Variants in ARID1B observed in about 807,000 individuals in gnomAD.
The protein encoded by ARID1B is AT-rich interaction domain 1B, also known as AT-rich interactive domain-containing protein 1B.
Under a neutral mutation model 212.3 loss-of-function variants are expected in ARID1B, and 30 were observed. The ratio of observed to expected loss-of-function variants is 0.14; its 90% CI spans 0.11 to 0.19. The LOEUF (loss-of-function observed/expected upper bound fraction) is 0.19. Among genes scored for constraint, ARID1B ranks in the 10% least tolerant of loss-of-function variants. The pLI, the probability that ARID1B is intolerant of heterozygous loss-of-function variation, is 1.00. For synonymous variants in ARID1B, 1,402 were observed against 1,301.7 expected, an observed-to-expected ratio of 1.08 and a Z score of -1.66; for missense variants, 2,891 against 3,204.0, an observed-to-expected ratio of 0.90 and a Z score of 2.36.
At chr6:157,091,557 T>C (rs1785285651) in intron 5 of ARID1B, among the ~76,000 whole-genome samples, 1 of 152,186 alleles carries the variant, frequency 6.6e-6, no homozygotes, top group East Asian at 1.9e-4. Flanking sequence ...TAGGAGTTAG[T>C]CATAGTCCAG....
chr6:156,921,438 AACACACAC>A (rs10560265), intron 3 of ARID1B, among the ~76,000 whole-genome samples: 21,214 of 135,446 alleles, frequency 0.16, 1,985 homozygotes, highest in African/African-American at 0.23. Context: ...TTGATGGGAA[AACACACAC>A]ACACACACAC....
At chr6:157,030,183 G>GGGCTCTTGGCTTGACT (rs1562562525) in intron 4 of ARID1B, 1 of 152,702 alleles carries the variant, frequency 6.5e-6, no homozygotes, top group Non-Finnish European at 1.5e-5. Context: ...TCTGCTTCTC[G>GGGCTCTTGGCTTGACT]GGCTCTTGGC....
chr6:156,947,618 A>T (rs1793252210), intron 4 of ARID1B, among the ~76,000 whole-genome samples: 1 of 149,422 alleles, frequency 6.7e-6, no homozygotes, highest in Non-Finnish European at 1.5e-5. Flanking sequence ...ATTACTCTGA[A>T]CTCTGAAGGG....
intron 4 of ARID1B, among the ~76,000 whole-genome samples, chr6:157,069,292 C>A (rs1414127385): frequency 6.6e-6 from 1 of 152,068 alleles, no homozygotes; most frequent in Non-Finnish European, 1.5e-5. Flanking sequence ...GTATGGGAAC[C>A]TTGCATTTAC....
intron 12 of ARID1B, among the ~76,000 whole-genome samples, chr6:157,183,490 G>T (rs2128322761): frequency 6.6e-6 from 1 of 152,346 alleles, no homozygotes; most frequent in African/African-American, 2.4e-5. Flanking sequence ...TTTCATCCAT[G>T]TGTTTAACCG....
At chr6:157,055,206 T>C (rs2128389309) in intron 4 of ARID1B, among the ~76,000 whole-genome samples, 1 of 152,354 alleles carries the variant, frequency 6.6e-6, no homozygotes, top group South Asian at 2.1e-4. Context: ...TCTTTCCTTC[T>C]ACTTCAAGCC....
chr6:157,031,060 GT>G (rs113662756), intron 4 of ARID1B, among the ~76,000 whole-genome samples: 31 of 146,208 alleles, frequency 2.1e-4, no homozygotes, highest in Admixed American at 5.5e-4. Flanking sequence ...CTTATGGTTG[GT>G]TTTTTTTTTT....
chr6:156,986,585 T>C (rs1045898713), intron 4 of ARID1B, among the ~76,000 whole-genome samples: 5 of 152,202 alleles, frequency 3.3e-5, no homozygotes, highest in East Asian at 1.9e-4. Flanking sequence ...ACAGAACTTA[T>C]GTCTTCGGTG....
chr6:157,186,257 C>G, intron 13 of ARID1B: 1 of 344,552 alleles, frequency 2.9e-6, no homozygotes, highest in Non-Finnish European at 5.8e-6. Flanking sequence ...GTTCCCTTTT[C>G]CCCTTTTTTA....
At chr6:157,119,351 G>A (rs947064490) in intron 6 of ARID1B, among the ~76,000 whole-genome samples, 2 of 152,170 alleles carry the variant, frequency 1.3e-5, no homozygotes, top group African/African-American at 2.4e-5. Context: ...TCACTTGCCT[G>A]TGCCTTGGAT....
intron 3 of ARID1B, among the ~76,000 whole-genome samples, chr6:156,924,160 G>T (rs931208474): frequency 6.6e-6 from 1 of 152,202 alleles, no homozygotes; most frequent in African/African-American, 2.4e-5. Flanking sequence ...CCCTTATACA[G>T]TCATCCCCCT....
At chr6:157,175,193 T>C (rs967539831) in intron 11 of ARID1B, 188 bp downstream of exon 11, 1 of 460,782 alleles carries the variant, frequency 2.2e-6, no homozygotes, top group Non-Finnish European at 3.4e-6. Flanking sequence ...AAAGTTTGCG[T>C]GCATCAAAGA....
chr6:157,180,928 C>CCA, intron 11 of ARID1B, 41 bp from the exon 12 acceptor site: 6 of 1,568,308 alleles, frequency 3.8e-6, no homozygotes, highest in Non-Finnish European at 4.4e-6. Flanking sequence ...CTCCCTCTGC[C>CCA]CACCCATGCC....
chr6:157,152,670 G>T (rs1790290625), intron 8 of ARID1B, among the ~76,000 whole-genome samples: 1 of 152,196 alleles, frequency 6.6e-6, no homozygotes, highest in South Asian at 2.1e-4. Context: ...ATGTTTTAGT[G>T]CTCTGGGTTG....
chr6:156,891,852 A>C (rs1434735718), intron 2 of ARID1B, among the ~76,000 whole-genome samples: 1 of 148,608 alleles, frequency 6.7e-6, no homozygotes, highest in Non-Finnish European at 1.5e-5. Flanking sequence ...TACTTGTTTC[A>C]TACCTTTTCT....
At chr6:157,186,968 C>T (rs531311588) in intron 13 of ARID1B, among the ~76,000 whole-genome samples, 1 of 152,208 alleles carries the variant, frequency 6.6e-6, no homozygotes, top group Non-Finnish European at 1.5e-5. Context: ...TGGGGCTGCA[C>T]CCCACATATC....
intron 5 of ARID1B, among the ~76,000 whole-genome samples, chr6:157,091,016 A>C (rs1350970837): frequency 6.6e-6 from 1 of 152,114 alleles, no homozygotes; most frequent in Non-Finnish European, 1.5e-5. Context: ...AGCATGTGGC[A>C]CCTGCTAATG....
chr6:156,886,896 C>T (rs1787552826), intron 2 of ARID1B, among the ~76,000 whole-genome samples: 2 of 152,182 alleles, frequency 1.3e-5, no homozygotes, highest in South Asian at 2.1e-4. Context: ...CTTCCCTTTA[C>T]ACCAACTCAA....
chr6:157,010,323 G>A (rs1779516720), intron 4 of ARID1B, among the ~76,000 whole-genome samples: 1 of 115,964 alleles, frequency 8.6e-6, no homozygotes, highest in African/African-American at 3.5e-5. Context: ...TGTTGTTTTG[G>A]TTTGTTTTGG....
Sources: gnomAD v4.1 joint callset for allele counts (sites outside exome capture counted in the v4.1 genomes callset) on GRCh38, gnomAD v4.1.1 for gene constraint, MANE v1.5 for transcripts, NCBI Gene and HGNC (gene_info 2026-07-23, HGNC 2026-07-21) for gene names.